The following PXMP2 variants were observed in gnomAD, a reference collection of about 807,000 sequenced individuals.
PXMP2 encodes peroxisomal membrane protein 2.
PXMP2 carries 13 observed loss-of-function variants against 20.2 expected under a neutral mutation model. The observed-to-expected ratio is 0.64, with a 90% confidence interval of 0.42 to 1.02. PXMP2 has a LOEUF of 1.02. PXMP2 is among the 50% of genes least tolerant of loss of function. The pLI is 0.00. For synonymous variants in PXMP2, 113 were observed against 111.2 expected, an observed-to-expected ratio of 1.02 and a Z score of -0.10; for missense variants, 284 against 251.8, an observed-to-expected ratio of 1.13 and a Z score of -0.87.
At chr12:132,689,332 G>A (rs1159833481) in intron 1 of PXMP2, among the ~76,000 whole-genome samples, 2 of 152,176 alleles carry the variant, frequency 1.3e-5, no homozygotes, top group Non-Finnish European at 2.9e-5. Context: ...GGCCAGGGAA[G>A]GTGTTTTGAG....
At chr12:132,688,610 A>G (rs1481766131) in intron 1 of PXMP2, among the ~76,000 whole-genome samples, 17 of 18,534 alleles carry the variant, frequency 9.2e-4, no homozygotes, top group East Asian at 2.3e-3. Context: ...GACAGGGCCA[A>G]GGGAGCGGGT....
intron 2 of PXMP2, 23 bp from the exon 3 acceptor site, chr12:132,695,861 C>A: frequency 6.3e-7 from 1 of 1,587,834 alleles, no homozygotes; most frequent in South Asian, 1.1e-5. Context: ...CACAATCTGG[C>A]TCACACCCCC....
chr12:132,694,353 A>G (rs1489253608), intron 2 of PXMP2, among the ~76,000 whole-genome samples: 1 of 79,980 alleles, frequency 1.3e-5, no homozygotes, highest in Non-Finnish European at 2.8e-5. Flanking sequence ...CTTGCCAGTT[A>G]GTGAGCGCCC....
chr12:132,688,941 A>C (rs1236196582), intron 1 of PXMP2, among the ~76,000 whole-genome samples: 4 of 21,828 alleles, frequency 1.8e-4, no homozygotes, highest in Admixed American at 4.5e-4. Context: ...GTCCTCATGG[A>C]GCGTGTGGAG....
At chr12:132,689,468 G>A (rs2043354252) in intron 1 of PXMP2, among the ~76,000 whole-genome samples, 1 of 152,184 alleles carries the variant, frequency 6.6e-6, no homozygotes, top group Non-Finnish European at 1.5e-5. Flanking sequence ...GCGGAGAGAG[G>A]TGCAGCTTGG....
chr12:132,701,531 C>T (rs2043441936), intron 4 of PXMP2, 162 bp downstream of exon 4: 1 of 986,898 alleles, frequency 1.0e-6, no homozygotes, highest in Non-Finnish European at 1.4e-6. Flanking sequence ...GTCTAGACTC[C>T]TCAACTACCC....
In PXMP2 at chr12:132,694,458, CAGTTAGTGAGCTCCCTTAGCCAGTT is replaced by C. The variant is rs774570207; in HGVS notation, c.237-1414_237-1390del. Among the ~76,000 whole-genome samples, 223 of 73,508 alleles carry C rather than the reference CAGTTAGTGAGCTCCCTTAGCCAGTT, an allele frequency of 3.0e-3. 2 individuals carry two copies. Among genetic ancestry groups the C allele is most frequent in the Non-Finnish European group, 4.5e-3 (144 of 32,282 alleles). 48.2% of individuals were successfully genotyped at this position (73,508 alleles called of 152,430 possible). On this transcript the variant is annotated intron_variant, in intron 2 of 4. Coordinates refer to ENST00000317479, the MANE Select transcript of PXMP2 (RefSeq NM_018663.3). ...CAGTTAGTTAGTGAGCTCCCTTAGC[CAGTTAGTGAGCTCCCTTAGCCAGTT>C]AGTTAGTGAGCGCCCTTGCCAGTTA...
intron 3 of PXMP2, among the ~76,000 whole-genome samples, chr12:132,697,005 G>C (rs989641160): frequency 6.7e-6 from 1 of 150,172 alleles, no homozygotes; most frequent in East Asian, 2.0e-4. Context: ...AAAAGAAACA[G>C]GGCCGGGCAT....
chr12:132,690,444 C>T (rs749056320), intron 2 of PXMP2, 68 bp downstream of exon 2: 30 of 1,193,050 alleles, frequency 2.5e-5, no homozygotes, highest in Admixed American at 1.6e-4. Context: ...GCACCAAAAC[C>T]GAGTAGTTGG....
intron 3 of PXMP2, among the ~76,000 whole-genome samples, chr12:132,698,787 T>G (rs1280295535): frequency 1.3e-5 from 2 of 152,104 alleles, no homozygotes; most frequent in South Asian, 2.1e-4. Flanking sequence ...CCACCACGCC[T>G]GGCTAATTTT....
intron 4 of PXMP2, among the ~76,000 whole-genome samples, chr12:132,704,206 G>A (rs1433954424): frequency 6.6e-6 from 1 of 152,174 alleles, no homozygotes; most frequent in African/African-American, 2.4e-5. Context: ...GCAGTGGGAT[G>A]GTGATGGGTT....
intron 4 of PXMP2, chr12:132,702,525 G>A: frequency 2.6e-6 from 1 of 377,714 alleles, no homozygotes; most frequent in African/African-American, 2.1e-5. Context: ...AGGAGGCCTG[G>A]CAGAGCCTGC....
In PXMP2 at chr12:132,696,061, C is replaced by T. The variant is rs1428307636; in HGVS notation, c.399+15C>T. ...ACTTTCTGGAGGTGGGTGTCTGCCA[C>T]AGCACTTACTGCAGCTCTTCGTTTA... is the stretch of plus-strand genomic sequence containing the variant. On this transcript the variant is annotated intron_variant, in intron 3 of 4. Transcript: ENST00000317479. The surrounding 1 kb of genome is among the most constrained non-coding windows in gnomAD (Gnocchi z 4.4). 6.3e-7 allele frequency: 1 copy of T among 1,590,450 alleles called. No individual in the cohort carries two copies. The highest frequency in any genetic ancestry group is 8.6e-7 in the Non-Finnish European group (1 of 1,164,850).
intron 3 of PXMP2, among the ~76,000 whole-genome samples, chr12:132,698,872 C>T (rs1464408070): frequency 6.6e-6 from 1 of 152,158 alleles, no homozygotes; most frequent in Non-Finnish European, 1.5e-5. Context: ...AGTGATATGC[C>T]CACCTTGGCA....
At chr12:132,689,667 T>G (rs1339588636) in intron 1 of PXMP2, among the ~76,000 whole-genome samples, 1 of 152,208 alleles carries the variant, frequency 6.6e-6, no homozygotes, top group Non-Finnish European at 1.5e-5. Flanking sequence ...AGGGAGCCAC[T>G]GGGCCTGTTC....
At chr12:132,695,501 G>C (rs1267637931) in intron 2 of PXMP2, among the ~76,000 whole-genome samples, 1 of 152,178 alleles carries the variant, frequency 6.6e-6, no homozygotes, top group East Asian at 1.9e-4. Context: ...CTGCCTTCTA[G>C]GGGGGACGAG....
intron 4 of PXMP2, chr12:132,701,780 A>G (rs1174265992): frequency 8.9e-6 from 2 of 224,066 alleles, no homozygotes; most frequent in African/African-American, 4.8e-5. Context: ...CTTGGCCCAA[A>G]TAAACTCTAG....
Position 132,704,742 on chromosome 12 carries a change from C to G in PXMP2, c.*55C>G. 1 of 1,539,606 alleles carries G rather than the reference C, an allele frequency of 6.5e-7. No individual in the cohort carries two copies. The highest frequency in any genetic ancestry group is 8.9e-7 in the Non-Finnish European group (1 of 1,118,228). ...TGGACGTGGGTCTGGGGGTCTCACCCGCCCAGCGAGAGCAGAACCAATCCA... is the reference window on the plus strand; with the variant it reads ...TGGACGTGGGTCTGGGGGTCTCACCGGCCCAGCGAGAGCAGAACCAATCCA... On this transcript the variant is annotated 3_prime_UTR_variant, in exon 5 of 5. Transcript: ENST00000317479.
chr12:132,689,257 T>G (rs1344438019), intron 1 of PXMP2, among the ~76,000 whole-genome samples: 55 of 101,684 alleles, frequency 5.4e-4, no homozygotes, highest in African/African-American at 9.0e-4. Flanking sequence ...ACATGGAGCG[T>G]GTGGAGACAG....
Sources: gnomAD v4.1 joint callset for allele counts (sites outside exome capture counted in the v4.1 genomes callset) on GRCh38, gnomAD v4.1.1 for gene constraint, Gnocchi (gnomAD v3.1) non-coding constraint, MANE v1.5 for transcripts, NCBI Gene and HGNC (gene_info 2026-07-23, HGNC 2026-07-21) for gene names.